Variants in NHS observed in about 807,000 individuals in gnomAD.
NHS encodes the protein actin remodeling regulator NHS.
A neutral mutation model predicts 72.5 loss-of-function variants in NHS; 5 were observed. The ratio of observed to expected loss-of-function variants is 0.07; its 90% CI spans 0.04 to 0.14. The LOEUF (loss-of-function observed/expected upper bound fraction) is 0.14. Among genes scored for constraint, NHS ranks in the 10% least tolerant of loss-of-function variants. NHS has a pLI of 1.00. For synonymous variants in NHS, 464 were observed against 547.7 expected (o/e 0.85, Z 2.13); for missense variants, 1,072 against 1,355.7 (o/e 0.79, Z 3.29).
intron 1 of NHS, among the ~76,000 whole-genome samples, chrX:17,677,537 T>C (rs1355533990): frequency 9.0e-6 from 1 of 111,103 alleles, no homozygotes; most frequent in Non-Finnish European, 1.9e-5. Context: ...TGATAGCCTC[T>C]GTTCAAACTG....
At chrX:17,572,265 GT>G (rs1231860112) in intron 1 of NHS, among the ~76,000 whole-genome samples, 2 of 110,386 alleles carry the variant, frequency 1.8e-5, no homozygotes, top group Non-Finnish European at 3.8e-5. Context: ...TGACAGTGGG[GT>G]GTTAAAGTCT....
At chrX:17,406,791 G>C (rs1020305698) in intron 1 of NHS, among the ~76,000 whole-genome samples, 2 of 112,042 alleles carry the variant, frequency 1.8e-5, no homozygotes, top group East Asian at 5.6e-4. Context: ...CCTAATTAAA[G>C]ATGAAGGCTA....
At chrX:17,639,080 CT>C (rs1347561887) in intron 1 of NHS, among the ~76,000 whole-genome samples, 7 of 111,943 alleles carry the variant, frequency 6.3e-5, no homozygotes, top group Non-Finnish European at 1.3e-4. Context: ...CTCATTTTCT[CT>C]TGTGGGATGT....
rs772418542 is a variant in NHS, at chrX:17,725,407, C to A, written c.1301C>A (p.Pro434His). ...RNVIVHTNPD[P>H]SNTVNRISGT... ...GTGATTGTGCACACAAACCCAGACC[C>A]CTCCAACACTGTCAATAGGATATCC... Residue 434 changes from proline (P) to histidine (H), a missense_variant, in exon 7 of 9, where the codon CCC (proline) becomes CAC (histidine). Pro to His is a moderately conservative substitution (Grantham distance 77). Coordinates refer to ENST00000676302, the MANE Select transcript of NHS (RefSeq NM_001291867.2). 8.3e-7 allele frequency: 1 copy of A among 1,208,919 alleles called. No individual in the cohort carries two copies. Among genetic ancestry groups the A allele is most frequent in the Admixed American group, 2.2e-5 (1 of 45,982 alleles).
chrX:17,570,000 A>T (rs1331898064), intron 1 of NHS, among the ~76,000 whole-genome samples: 2 of 111,542 alleles, frequency 1.8e-5, no homozygotes, highest in Non-Finnish European at 3.8e-5. Context: ...GTTATTTCTG[A>T]GGCCTCTGTT....
At chrX:17,515,619 C>T (rs1454068108) in intron 1 of NHS, among the ~76,000 whole-genome samples, 1 of 111,800 alleles carries the variant, frequency 8.9e-6, no homozygotes, top group Non-Finnish European at 1.9e-5. Flanking sequence ...TCTGGAAAAC[C>T]TTTTAGGATC....
chrX:17,589,460 C>T (rs897602977), intron 1 of NHS, among the ~76,000 whole-genome samples: 1 of 111,999 alleles, frequency 8.9e-6, no homozygotes, highest in African/African-American at 3.3e-5. Context: ...TAATAGTCTC[C>T]AATCTCATCC....
intron 3 of NHS, among the ~76,000 whole-genome samples, chrX:17,718,431 AAAGG>A (rs1218998592): frequency 1.3e-5 from 1 of 78,304 alleles, no homozygotes; most frequent in Non-Finnish European, 2.1e-5. Context: ...GAGAAGGAAG[AAAGG>A]AAGGAAGGAG....
intron 1 of NHS, among the ~76,000 whole-genome samples, chrX:17,579,038 T>A (rs2065528170): frequency 8.9e-6 from 1 of 112,252 alleles, no homozygotes; most frequent in African/African-American, 3.2e-5. Context: ...GTAAATTATC[T>A]CAGCCAAAAG....
rs1362092912 is a variant in NHS, at chrX:17,732,199, A to G, written c.4691A>G (p.His1564Arg). 3 of 1,211,957 alleles carry G rather than the reference A, an allele frequency of 2.5e-6. No individual in the cohort carries two copies. The highest frequency in any genetic ancestry group is 2.2e-5 in the Admixed American group (1 of 46,081). Reference sequence around the variant, plus strand: ...TCCCCTCAGAGCACCGATGATGCCCATCAGGGGTCACAAGGGGCTGAGGCA... The same window carrying G: ...TCCCCTCAGAGCACCGATGATGCCCGTCAGGGGTCACAAGGGGCTGAGGCA... Reference protein sequence around the residue: ...AESPQSTDDAHQGSQGAEALS... With the variant: ...AESPQSTDDARQGSQGAEALS... Residue 1564 changes from histidine (H) to arginine (R), a missense_variant, in exon 9 of 9, where the codon CAT (histidine) becomes CGT (arginine). His to Arg is a conservative substitution (Grantham distance 29). Transcript: ENST00000676302.
chrX:17,674,474 T>A (rs2147102119), intron 1 of NHS, among the ~76,000 whole-genome samples: 1 of 112,312 alleles, frequency 8.9e-6, no homozygotes, highest in South Asian at 3.7e-4. Context: ...AAATGTCAAT[T>A]TCATAGGGTT....
intron 1 of NHS, among the ~76,000 whole-genome samples, chrX:17,542,552 A>G (rs745759614): frequency 2.7e-5 from 3 of 112,562 alleles, no homozygotes; most frequent in East Asian, 2.8e-4. Context: ...ATTTCCTTGC[A>G]ATTTTCTTTC....
At chrX:17,494,181 C>T (rs752629939) in intron 1 of NHS, among the ~76,000 whole-genome samples, 1 of 104,161 alleles carries the variant, frequency 9.6e-6, no homozygotes, top group Admixed American at 1.1e-4. Context: ...TGGGTTCAAG[C>T]GATTCTCCAG....
intron 1 of NHS, among the ~76,000 whole-genome samples, chrX:17,554,670 T>C (rs1315426328): frequency 1.8e-5 from 2 of 111,216 alleles, no homozygotes; most frequent in Admixed American, 9.5e-5. Context: ...AACAGGACCA[T>C]TCTAGTAGGA....
intron 1 of NHS, among the ~76,000 whole-genome samples, chrX:17,467,120 T>C (rs1429006342): frequency 1.8e-5 from 2 of 111,802 alleles, no homozygotes; most frequent in Non-Finnish European, 3.8e-5. Flanking sequence ...ATCTCCTGCT[T>C]GACTCCTAAT....
In NHS at chrX:17,482,125, G is replaced by T. The variant is rs537091738; in HGVS notation, c.565+105803G>T. The stretch of plus-strand genomic sequence containing the variant: ...AAAATGGGGATACTAATAATATTTA[G>T]CTCAAAGGTTTGTGGAGAAAAACAA... On this transcript the variant is annotated intron_variant, in intron 1 of 8. Transcript: ENST00000676302. 6.3e-5 allele frequency among the ~76,000 whole-genome samples: 7 copies of T among 111,738 alleles called. No homozygotes were observed. In the South Asian group the frequency reaches 2.7e-3, roughly 42 times the overall value.
rs191618819 is a variant in NHS at position 17,391,023 on chromosome X, G to T, written c.565+14701G>T. Among the ~76,000 whole-genome samples, 257 of 111,846 alleles carry T rather than the reference G, an allele frequency of 2.3e-3. 2 individuals are homozygous for T. In the East Asian group the frequency reaches 0.046, roughly 20 times the overall value. On this transcript the variant is annotated intron_variant, in intron 1 of 8. Coordinates refer to ENST00000676302, the MANE Select transcript of NHS (RefSeq NM_001291867.2). ...GATTTGTCAATTCAAAGGTTTTAGT[G>T]GCTGTTGAGTGGGAAGGAAAATTAA...
At chrX:17,499,246 T>C (rs1321161334) in intron 1 of NHS, among the ~76,000 whole-genome samples, 5 of 110,978 alleles carry the variant, frequency 4.5e-5, no homozygotes, top group East Asian at 5.7e-4. Context: ...CACTCTTTCA[T>C]TGGCCTATTT....
intron 1 of NHS, chrX:17,557,173 CAG>C (rs1244586381): frequency 1.1e-5 from 1 of 94,535 alleles, no homozygotes; most frequent in East Asian, 3.4e-4. Flanking sequence ...TCTCTAAAGA[CAG>C]AGAAGACCCC....
Sources: allele counts gnomAD v4.1 joint callset (sites outside exome capture counted in the v4.1 genomes callset), GRCh38; gene constraint gnomAD v4.1.1; transcripts MANE v1.5; gene names NCBI Gene and HGNC (gene_info 2026-07-23, HGNC 2026-07-21).